Variants in WNT2 observed in about 807,000 individuals in gnomAD.
WNT2 encodes the protein protein Wnt-2.
WNT2 carries 12 observed loss-of-function variants against 36.9 expected under a neutral mutation model. That is an observed-to-expected ratio of 0.33 (90% confidence interval 0.21 to 0.53). The LOEUF (loss-of-function observed/expected upper bound fraction) is 0.53, where lower values mean the gene tolerates loss of function less well. WNT2 is among the 20% of genes least tolerant of loss of function. The pLI, the probability that WNT2 is intolerant of heterozygous loss-of-function variation, is 0.95. For synonymous variants in WNT2, 163 were observed against 174.6 expected, an observed-to-expected ratio of 0.93 and a Z score of 0.52; for missense variants, 379 against 473.1, an observed-to-expected ratio of 0.80 and a Z score of 1.84.
At position 117,284,824 on chromosome 7, in the gene WNT2, A is replaced by G. The variant is rs1199176003; in HGVS notation, c.854-6440T>C. Among the ~76,000 whole-genome samples the G allele has an allele frequency of 6.6e-6, 1 of 152,232 alleles. No homozygotes were observed. Among genetic ancestry groups the G allele is most frequent in the African/African-American group, 2.4e-5 (1 of 41,452 alleles). On this transcript the variant is annotated intron_variant, in intron 4 of 4. Transcript: ENST00000265441. The surrounding 1 kb of genome is among the most constrained non-coding windows in gnomAD (Gnocchi z 5.2). ...TAAGGAAGGTACTATTATTATCACCATTTTGGAAATGAGGAAATGGAGATT... is the reference window on the plus strand; with the variant it reads ...TAAGGAAGGTACTATTATTATCACCGTTTTGGAAATGAGGAAATGGAGATT...
At position 117,315,153 on chromosome 7, in the gene WNT2, C is replaced by T. The variant is rs200665306; in HGVS notation, c.506G>A (p.Arg169His). 1.4e-4 allele frequency: 234 copies of T among 1,614,174 alleles called. No individual in the cohort carries two copies. The highest frequency in any genetic ancestry group is 6.6e-4 in the Middle Eastern group (4 of 6,062). Reference protein sequence around the residue: ...DNIDYGIKFARAFVDAKERKG... With the variant: ...DNIDYGIKFAHAFVDAKERKG... ...CCTTTCCTTTGCATCCACAAATGCG[C>T]GGGCAAATTTGATCCCATAGTCAAT... The change falls in exon 3 of 5, where the codon CGC (arginine) becomes CAC (histidine). Residue 169 changes from arginine (R) to histidine (H), a missense_variant. Arg to His is a conservative substitution (Grantham distance 29). Coordinates refer to ENST00000265441, the MANE Select transcript of WNT2 (RefSeq NM_003391.3).
At chr7:117,279,369 G>A (rs1286269217) in intron 4 of WNT2, among the ~76,000 whole-genome samples, 1 of 152,144 alleles carries the variant, frequency 6.6e-6, no homozygotes, top group Non-Finnish European at 1.5e-5. Context: ...TGGCAGCCAT[G>A]TTGTATAACA....
chr7:117,291,725 G>A (rs1273095829), intron 4 of WNT2, among the ~76,000 whole-genome samples: 2 of 152,184 alleles, frequency 1.3e-5, no homozygotes, highest in East Asian at 3.9e-4. Flanking sequence ...GTCTTTTGCT[G>A]TTGTTCTTGC....
At chr7:117,307,403 A>C (rs1442500663) in intron 3 of WNT2, among the ~76,000 whole-genome samples, 1 of 152,196 alleles carries the variant, frequency 6.6e-6, no homozygotes, top group Non-Finnish European at 1.5e-5. Flanking sequence ...TCTCACAGGC[A>C]GTAAGTGAGA....
intron 4 of WNT2, among the ~76,000 whole-genome samples, chr7:117,287,206 G>C (rs3779551): frequency 6.6e-6 from 1 of 151,930 alleles, no homozygotes; most frequent in Non-Finnish European, 1.5e-5. Context: ...AATTAGCTGG[G>C]CATGGTGGCG....
At chr7:117,300,333 C>T (rs940777800) in intron 3 of WNT2, among the ~76,000 whole-genome samples, 4 of 152,166 alleles carry the variant, frequency 2.6e-5, no homozygotes, top group South Asian at 4.1e-4. Flanking sequence ...ACTACAGGCG[C>T]GGGTCACCAC....
chr7:117,308,590 C>T (rs1795060622), intron 3 of WNT2, among the ~76,000 whole-genome samples: 1 of 152,154 alleles, frequency 6.6e-6, no homozygotes, highest in African/African-American at 2.4e-5. Flanking sequence ...CAGAACTGAT[C>T]TAACTTTTAA....
intron 4 of WNT2, among the ~76,000 whole-genome samples, chr7:117,279,783 T>C (rs756000725): frequency 7.9e-5 from 12 of 152,214 alleles, no homozygotes; most frequent in Non-Finnish European, 1.3e-4. Context: ...TCCCACCTAA[T>C]TGATAAACCT....
chr7:117,284,859 T>C lies in WNT2; in HGVS notation c.854-6475A>G, dbSNP rs1327052779. Among the ~76,000 whole-genome samples the C allele has an allele frequency of 6.6e-6, 1 of 152,252 alleles. No individual in the cohort carries two copies. The highest frequency in any genetic ancestry group is 1.5e-5 in the Non-Finnish European group (1 of 68,040). The stretch of plus-strand genomic sequence containing the variant: ...TGAGGAAATGGAGATTCAGGAAGAT[T>C]AAGTAACTTGCCCAAGATCACACAG... On this transcript the variant is annotated intron_variant, in intron 4 of 4. Coordinates refer to ENST00000265441, the MANE Select transcript of WNT2 (RefSeq NM_003391.3). This position sits in a 1 kb window ranked among gnomAD's most constrained non-coding sequence, Gnocchi z 5.2.
At chr7:117,304,432 ATTTTTT>A (rs3034483) in intron 3 of WNT2, among the ~76,000 whole-genome samples, 4 of 116,938 alleles carry the variant, frequency 3.4e-5, no homozygotes, top group Admixed American at 8.7e-5. Context: ...TCTCCTCCAC[ATTTTTT>A]TTTTTTTTTT....
rs1033274486 is a variant in WNT2, at chr7:117,309,107, C to T, written c.588+5964G>A. Among the ~76,000 whole-genome samples, 3 of 151,656 alleles carry T rather than the reference C, an allele frequency of 2.0e-5. 1 individual carries two copies. The highest frequency in any genetic ancestry group is 2.0e-4 in the Admixed American group (3 of 15,246). ...CCTTGGGAGGCTGAGGTGGGAGGAT[C>T]ACTTGAGCCCTGTGCAGTGAGTCAT... On this transcript the variant is annotated intron_variant, in intron 3 of 4. Coordinates refer to ENST00000265441, the MANE Select transcript of WNT2 (RefSeq NM_003391.3).
intron 4 of WNT2, among the ~76,000 whole-genome samples, chr7:117,286,238 G>A (rs1445400913): frequency 1.3e-5 from 2 of 152,156 alleles, no homozygotes; most frequent in African/African-American, 4.8e-5. Flanking sequence ...CCCATTTCTA[G>A]AGCTATAAAA....
chr7:117,318,952 C>A (rs935308557), intron 2 of WNT2, among the ~76,000 whole-genome samples: 2 of 152,078 alleles, frequency 1.3e-5, no homozygotes, highest in South Asian at 4.1e-4. Flanking sequence ...ATATTGCTTC[C>A]TTTGATATGT....
intron 4 of WNT2, among the ~76,000 whole-genome samples, chr7:117,295,067 G>A (rs1794762585): frequency 6.6e-6 from 1 of 152,186 alleles, no homozygotes; most frequent in Admixed American, 6.5e-5. Flanking sequence ...CTCCAGCCTG[G>A]CCAACAGAGC....
At chr7:117,290,678 A>C (rs1794673245) in intron 4 of WNT2, among the ~76,000 whole-genome samples, 1 of 152,234 alleles carries the variant, frequency 6.6e-6, no homozygotes. Flanking sequence ...AAGGACTGAA[A>C]CCTAAACACC....
intron 2 of WNT2, 200 bp downstream of exon 2, chr7:117,320,367 T>C: frequency 1.7e-6 from 1 of 596,022 alleles, no homozygotes; most frequent in Non-Finnish European, 3.0e-6. Context: ...TTCTTCCTTT[T>C]GATTCACCTC....
At chr7:117,285,245 C>T (rs1794558977) in intron 4 of WNT2, among the ~76,000 whole-genome samples, 1 of 152,150 alleles carries the variant, frequency 6.6e-6, no homozygotes, top group African/African-American at 2.4e-5. Flanking sequence ...CTGCATTTTT[C>T]CTATACTGAT....
In WNT2 at chr7:117,278,175, C is replaced by G; in HGVS notation, c.1063G>C (p.Asp355His). Residue 355 changes from aspartate to histidine, a missense_variant, in exon 5 of 5, where the codon GAC becomes CAC. Physicochemically the swap from Asp to His is moderately conservative, Grantham distance 81. Transcript: ENST00000265441. ...TGGGGTCATGTAGCGGTTGTCCAGTCAGCGTTCTTGGGGGCCTTGCATGTG... is the reference window on the plus strand; with the variant it reads ...TGGGGTCATGTAGCGGTTGTCCAGTGAGCGTTCTTGGGGGCCTTGCATGTG... The part of the protein sequence containing the change: ...VHTCKAPKNA[D>H]WTTAT 6.2e-7 allele frequency: 1 copy of G among 1,614,200 alleles called. No individual in the cohort carries two copies. The highest frequency in any genetic ancestry group is 1.3e-5 in the African/African-American group (1 of 75,062).
At position 117,315,143 on chromosome 7, in the gene WNT2, C is replaced by T. The variant is rs1162261207; in HGVS notation, c.516G>A (p.Val172=). The change falls in exon 3 of 5, where the codon GTG becomes GTA. Residue 172 remains valine, a synonymous_variant. Coordinates refer to ENST00000265441, the MANE Select transcript of WNT2 (RefSeq NM_003391.3). The part of the protein sequence containing the change: ...DYGIKFARAF[V]DAKERKGKDA... ...CCTTTCCTTTCCTTTCCTTTGCATCCACAAATGCGCGGGCAAATTTGATCC... is the reference window on the plus strand; with the variant it reads ...CCTTTCCTTTCCTTTCCTTTGCATCTACAAATGCGCGGGCAAATTTGATCC... 3 of 1,614,150 alleles carry T rather than the reference C, an allele frequency of 1.9e-6. No individual in the cohort carries two copies. Among genetic ancestry groups the T allele is most frequent in the African/African-American group, 1.3e-5 (1 of 75,028 alleles).
Sources: allele counts gnomAD v4.1 joint callset (sites outside exome capture counted in the v4.1 genomes callset), GRCh38; gene constraint gnomAD v4.1.1; non-coding constraint Gnocchi (gnomAD v3.1); transcripts MANE v1.5; gene names NCBI Gene and HGNC (gene_info 2026-07-23, HGNC 2026-07-21).